Variants in CMPK1 observed in about 807,000 individuals in gnomAD.
The protein encoded by CMPK1 is cytidine/uridine monophosphate kinase 1.
Under a neutral mutation model 25.7 loss-of-function variants are expected in CMPK1, and 10 were observed. That is an observed-to-expected ratio of 0.39 (90% confidence interval 0.24 to 0.66). The LOEUF (loss-of-function observed/expected upper bound fraction) is 0.66, where lower values mean the gene tolerates loss of function less well. CMPK1 is among the 30% of genes least tolerant of loss of function. The pLI, the probability that CMPK1 is intolerant of heterozygous loss-of-function variation, is 0.48. For missense variants in CMPK1, 199 were observed against 280.5 expected, an observed-to-expected ratio of 0.71 and a Z score of 2.08; for synonymous variants, 106 against 101.5, an observed-to-expected ratio of 1.04 and a Z score of -0.27.
In CMPK1 at chr1:47,378,747, C is replaced by T. The variant is rs1389227456; in HGVS notation, c.*2002C>T. The T allele has an allele frequency of 6.6e-6, 1 of 151,032 alleles. No homozygotes were observed. Among genetic ancestry groups the T allele is most frequent in the African/African-American group, 2.4e-5 (1 of 41,224 alleles). The allele number at this position is 151,032 out of a possible 1,614,324, so 9.4% of individuals were successfully genotyped here. ...TTGAAAGACCCCAATTTAAGCCTTG[C>T]TTATTTTTAAATTATTTCCATTCAG... On this transcript the variant is annotated 3_prime_UTR_variant, in exon 6 of 6. Coordinates refer to ENST00000371873, the MANE Select transcript of CMPK1 (RefSeq NM_016308.3).
chr1:47,356,155 T>C (rs1646559395), intron 1 of CMPK1, among the ~76,000 whole-genome samples: 1 of 152,234 alleles, frequency 6.6e-6, no homozygotes, highest in South Asian at 2.1e-4. Flanking sequence ...TTTTGTGTTT[T>C]AGAACTTTAA....
At chr1:47,370,593 A>T (rs1316242755) in intron 2 of CMPK1, among the ~76,000 whole-genome samples, 1 of 147,662 alleles carries the variant, frequency 6.8e-6, no homozygotes, top group Non-Finnish European at 1.5e-5. Context: ...GTGAGCCAAG[A>T]TCATGCTACT....
intron 1 of CMPK1, among the ~76,000 whole-genome samples, chr1:47,346,457 G>A (rs1223353753): frequency 6.6e-6 from 1 of 151,802 alleles, no homozygotes; most frequent in Admixed American, 6.6e-5. Flanking sequence ...ACTTCCACCT[G>A]CATTTCTTAT....
In CMPK1 at chr1:47,376,843, A is replaced by G; in HGVS notation, c.*98A>G. On this transcript the variant is annotated 3_prime_UTR_variant, in exon 6 of 6. Transcript: ENST00000371873. ...AAGGCAATTCTAATCTTTCATAACTACATCTCAATTAGTGGCTGGAAAGTA... is the reference window on the plus strand; with the variant it reads ...AAGGCAATTCTAATCTTTCATAACTGCATCTCAATTAGTGGCTGGAAAGTA... 1 of 663,488 alleles carries G rather than the reference A, an allele frequency of 1.5e-6. No individual in the cohort carries two copies. The highest frequency in any genetic ancestry group is 2.7e-6 in the Non-Finnish European group (1 of 376,268). 41.1% of individuals were successfully genotyped at this position (663,488 alleles called of 1,614,324 possible).
At chr1:47,373,859 T>C (rs1239721868) in intron 3 of CMPK1, among the ~76,000 whole-genome samples, 1 of 152,180 alleles carries the variant, frequency 6.6e-6, no homozygotes, top group African/African-American at 2.4e-5. Flanking sequence ...GAAATGATCT[T>C]GAAAAAAGTA....
intron 1 of CMPK1, among the ~76,000 whole-genome samples, chr1:47,349,553 G>A (rs545090725): frequency 6.6e-5 from 10 of 152,278 alleles, no homozygotes; most frequent in Non-Finnish European, 1.0e-4. Context: ...ATTCTGTAGC[G>A]TACGAGTTGG....
chr1:47,375,907 G>A (rs1646705155), intron 5 of CMPK1, among the ~76,000 whole-genome samples: 1 of 152,102 alleles, frequency 6.6e-6, no homozygotes, highest in Non-Finnish European at 1.5e-5. Flanking sequence ...ATAGTCATAA[G>A]ATAAAAAAGA....
chr1:47,357,137 G>A (rs867329654), intron 1 of CMPK1, among the ~76,000 whole-genome samples: 61 of 151,776 alleles, frequency 4.0e-4, no homozygotes, highest in Admixed American at 1.6e-3. Context: ...CTAATTTTTT[G>A]TATTTTTAGT....
chr1:47,355,734 GTAGCTGGGAC>G (rs1646556361), intron 1 of CMPK1, among the ~76,000 whole-genome samples: 2 of 151,968 alleles, frequency 1.3e-5, no homozygotes, highest in African/African-American at 4.8e-5. Context: ...AGCCCCGCAA[GTAGCTGGGAC>G]TACAGGCATG....
intron 1 of CMPK1, among the ~76,000 whole-genome samples, chr1:47,337,458 A>C (rs1646407338): frequency 6.6e-6 from 1 of 152,154 alleles, no homozygotes; most frequent in African/African-American, 2.4e-5. Context: ...AGATTTCAAC[A>C]ATTATTTGAC....
chr1:47,371,130 T>C (rs2250183), intron 2 of CMPK1, among the ~76,000 whole-genome samples: 148,174 of 152,220 alleles, frequency 0.97, 72,219 homozygotes, highest in East Asian at 1. Context: ...AAGAAATGGC[T>C]GAAGCCTGAT....
chr1:47,346,589 G>A (rs1045729048), intron 1 of CMPK1, among the ~76,000 whole-genome samples: 18 of 150,632 alleles, frequency 1.2e-4, no homozygotes, highest in Non-Finnish European at 2.7e-4. Context: ...CTGCAACCTC[G>A]GCCTCCTGGG....
At chr1:47,354,216 C>T (rs1408816467) in intron 1 of CMPK1, among the ~76,000 whole-genome samples, 2 of 152,048 alleles carry the variant, frequency 1.3e-5, no homozygotes, top group African/African-American at 2.4e-5. Context: ...GTAGTCCCAG[C>T]TACTCGGGAG....
intron 2 of CMPK1, among the ~76,000 whole-genome samples, chr1:47,370,492 T>C (rs988176795): frequency 1.4e-5 from 2 of 142,396 alleles, no homozygotes; most frequent in African/African-American, 2.6e-5. Flanking sequence ...ATATAAAAAA[T>C]TAGCCAAGTG....
At chr1:47,363,759 A>G (rs1646619683) in intron 1 of CMPK1, among the ~76,000 whole-genome samples, 1 of 152,202 alleles carries the variant, frequency 6.6e-6, no homozygotes, top group South Asian at 2.1e-4. Context: ...CCTGGACAAC[A>G]TGGTGAAACC....
At position 47,336,444 on chromosome 1, in the gene CMPK1, A is replaced by G. The variant is rs567245521; in HGVS notation, c.171+2328A>G. Among the ~76,000 whole-genome samples the G allele has an allele frequency of 3.5e-4, 54 of 152,242 alleles. 1 individual carries two copies. The highest frequency in any genetic ancestry group is 8.8e-5 in the Non-Finnish European group (6 of 68,014). ...ACAGATGCAGATAGTTTTTTTCTCCACTTTAAACTTCTGATCTTATTACCT... is the reference window on the plus strand; with the variant it reads ...ACAGATGCAGATAGTTTTTTTCTCCGCTTTAAACTTCTGATCTTATTACCT... On this transcript the variant is annotated intron_variant, in intron 1 of 5. Transcript: ENST00000371873.
chr1:47,371,741 A>G lies in CMPK1; in HGVS notation c.319-1214A>G, dbSNP rs540181194. Among the ~76,000 whole-genome samples the G allele has an allele frequency of 5.2e-4, 79 of 152,352 alleles. 1 individual carries two copies. The South Asian group carries it at 0.016, about 31-fold the overall frequency. ...AAGCTTTCACTATGCTCATGCTGCT[A>G]AAGTCTATAGCTCTAAAACAAAATG... On this transcript the variant is annotated intron_variant, in intron 2 of 5. Transcript: ENST00000371873.
intron 1 of CMPK1, among the ~76,000 whole-genome samples, chr1:47,342,649 C>CTTTTTTTTTTTTTTT (rs11334963): frequency 3.4e-5 from 4 of 116,420 alleles, no homozygotes; most frequent in Non-Finnish European, 5.3e-5. Context: ...TCTCTTTTTT[C>CTTTTTTTTTTTTTTT]TTTTTTTTTT....
At chr1:47,334,189 T>C in intron 1 of CMPK1, 73 bp downstream of exon 1, 2 of 1,201,836 alleles carry the variant, frequency 1.7e-6, no homozygotes, top group Non-Finnish European at 2.1e-6. Context: ...CCGCCCCTAG[T>C]CCGCGCCCCG....
Sources: allele counts gnomAD v4.1 joint callset (sites outside exome capture counted in the v4.1 genomes callset), GRCh38; gene constraint gnomAD v4.1.1; transcripts MANE v1.5; gene names NCBI Gene and HGNC (gene_info 2026-07-23, HGNC 2026-07-21).